MAML3: variants seen among roughly 807,000 people sequenced by gnomAD.
MAML3 encodes mastermind like transcriptional coactivator 3.
Under a neutral mutation model 101.9 loss-of-function variants are expected in MAML3, and 27 were observed. That is an observed-to-expected ratio of 0.27 (90% CI 0.20 to 0.37). The LOEUF (loss-of-function observed/expected upper bound fraction) is 0.37. MAML3 is among the 10% of genes least tolerant of loss of function. The pLI, the probability that MAML3 is intolerant of heterozygous loss-of-function variation, is 1.00. For missense variants in MAML3, 1,316 were observed against 1,444.9 expected, an observed-to-expected ratio of 0.91 and a Z score of 1.45; for synonymous variants, 501 against 555.9, an observed-to-expected ratio of 0.90 and a Z score of 1.39.
chr4:139,730,414 A>G lies in MAML3; in HGVS notation c.2331+2T>C, dbSNP rs1482754958. 6.5e-7 allele frequency: 1 copy of G among 1,538,950 alleles called. No homozygotes were observed. The highest frequency in any genetic ancestry group is 2.5e-5 in the East Asian group (1 of 40,408). On this transcript the variant is annotated splice_donor_variant, in intron 3 of 4. Coordinates refer to ENST00000509479, the MANE Select transcript of MAML3 (RefSeq NM_018717.5). LOFTEE classifies it high-confidence loss of function. Reference sequence around the variant, plus strand: ...AATGAATCACGCCAAGGGGCATGTTACCTGTTCCGCCAAAATCTGCTGCTG... The same window carrying G: ...AATGAATCACGCCAAGGGGCATGTTGCCTGTTCCGCCAAAATCTGCTGCTG...
chr4:140,151,690 C>G (rs367959021), intron 1 of MAML3, among the ~76,000 whole-genome samples: 33 of 125,660 alleles, frequency 2.6e-4, no homozygotes, highest in Non-Finnish European at 4.0e-4. Context: ...CGGCGCGGTG[C>G]GGGGGGGGGG....
At chr4:140,083,803 C>G (rs1212654436) in intron 1 of MAML3, among the ~76,000 whole-genome samples, 1 of 152,114 alleles carries the variant, frequency 6.6e-6, no homozygotes, top group East Asian at 1.9e-4. Flanking sequence ...CTCTCCCAGG[C>G]AGTTTACAAG....
At chr4:140,038,567 C>T (rs1727026706) in intron 1 of MAML3, among the ~76,000 whole-genome samples, 1 of 152,158 alleles carries the variant, frequency 6.6e-6, no homozygotes, top group Admixed American at 6.5e-5. Flanking sequence ...GGCTCCTAGG[C>T]CAGATTGCCT....
chr4:139,798,573 G>A (rs1730556311), intron 2 of MAML3, among the ~76,000 whole-genome samples: 1 of 152,148 alleles, frequency 6.6e-6, no homozygotes, highest in Non-Finnish European at 1.5e-5. Flanking sequence ...CATAGCTGTT[G>A]CCAGCCCTGA....
intron 2 of MAML3, among the ~76,000 whole-genome samples, chr4:139,771,215 G>A (rs896985442): frequency 6.6e-6 from 1 of 152,168 alleles, no homozygotes; most frequent in African/African-American, 2.4e-5. Context: ...TTTTGGAGAG[G>A]GTTTTGGGCA....
intron 1 of MAML3, among the ~76,000 whole-genome samples, chr4:140,068,464 C>T (rs1049555957): frequency 6.6e-6 from 1 of 152,124 alleles, no homozygotes; most frequent in African/African-American, 2.4e-5. Flanking sequence ...TCTCTCTCTA[C>T]CTAGGCACTT....
At position 139,730,656 on chromosome 4, in the gene MAML3, T is replaced by C. The variant is rs1277161267; in HGVS notation, c.2091A>G (p.Pro697=). ...ALPSHGQEQH[P]VGLPRTTGPM... ...GGCCTGTGGTTCGGGGAAGTCCAAC[T>C]GGATGCTGCTCCTGGGAAGACAAGA... The change falls in exon 3 of 5, where the codon CCA becomes CCG. Residue 697 remains proline, a synonymous_variant. Transcript: ENST00000509479. The C allele has an allele frequency of 6.2e-7, 1 of 1,611,998 alleles. No homozygotes were observed. The highest frequency in any genetic ancestry group is 1.3e-5 in the African/African-American group (1 of 74,912).
At chr4:140,135,524 C>T (rs979781557) in intron 1 of MAML3, among the ~76,000 whole-genome samples, 1 of 152,212 alleles carries the variant, frequency 6.6e-6, no homozygotes, top group Non-Finnish European at 1.5e-5. Flanking sequence ...TGATTAGTGA[C>T]CAAAGTAAGG....
At chr4:140,071,999 G>C (rs1035741618) in intron 1 of MAML3, among the ~76,000 whole-genome samples, 1 of 152,196 alleles carries the variant, frequency 6.6e-6, no homozygotes, top group Admixed American at 6.5e-5. Context: ...GGGGAGAACA[G>C]ACAGCCTGTT....
chr4:139,773,342 A>G (rs1253636389), intron 2 of MAML3, among the ~76,000 whole-genome samples: 2 of 152,206 alleles, frequency 1.3e-5, no homozygotes, highest in East Asian at 1.9e-4. Context: ...AGTGGTGTTC[A>G]TCAGATCAGA....
At chr4:139,912,407 C>T (rs1404952780) in intron 1 of MAML3, among the ~76,000 whole-genome samples, 4 of 152,272 alleles carry the variant, frequency 2.6e-5, no homozygotes, top group East Asian at 3.9e-4. Context: ...ATGAAGGTTT[C>T]GTACAGCTAG....
intron 2 of MAML3, among the ~76,000 whole-genome samples, chr4:139,869,260 T>C (rs1310140596): frequency 6.6e-6 from 1 of 152,196 alleles, no homozygotes; most frequent in African/African-American, 2.4e-5. Flanking sequence ...AGAAGGTACA[T>C]GATACTGGGG....
intron 1 of MAML3, among the ~76,000 whole-genome samples, chr4:140,141,238 C>T (rs1728974778): frequency 6.6e-6 from 1 of 152,216 alleles, no homozygotes; most frequent in African/African-American, 2.4e-5. Flanking sequence ...AGTCTTCAGA[C>T]CACTGCAGCA....
chr4:139,984,782 C>G lies in MAML3; in HGVS notation c.469-93815G>C, dbSNP rs568981644. Among the ~76,000 whole-genome samples, 11 of 152,354 alleles carry G rather than the reference C, an allele frequency of 7.2e-5. No homozygotes were observed. In the South Asian group the frequency reaches 1.0e-3, roughly 14 times the overall value. On this transcript the variant is annotated intron_variant, in intron 1 of 4. Coordinates refer to ENST00000509479, the MANE Select transcript of MAML3 (RefSeq NM_018717.5). ...TCTTGAGGCCTTCAGCTGATTGGAT[C>G]AGACCCACCCAGATATCCCTGGGTA...
chr4:139,889,360 A>T lies in MAML3; in HGVS notation c.2076T>A (p.Gly692=). Residue 692 remains glycine, a synonymous_variant, in exon 2 of 5, where the codon GGT becomes GGA. Coordinates refer to ENST00000509479, the MANE Select transcript of MAML3 (RefSeq NM_018717.5). ...AGTGTGTCACTTTCACACTTACCTG[A>T]CCGTGGGATGGAAGTGCAGCGTAAG... ...PMAYAALPSH[G]QEQHPVGLPR... is the part of the protein sequence containing the mutation. 6.2e-7 allele frequency: 1 copy of T among 1,614,026 alleles called. No homozygotes were observed.
chr4:139,932,611 A>T (rs1204804316), intron 1 of MAML3, among the ~76,000 whole-genome samples: 1 of 152,216 alleles, frequency 6.6e-6, no homozygotes, highest in Non-Finnish European at 1.5e-5. Context: ...CTATCTTTGA[A>T]CCAAGTCTTT....
intron 1 of MAML3, among the ~76,000 whole-genome samples, chr4:139,977,059 C>T (rs74962126): frequency 0.024 from 3,656 of 152,048 alleles, 147 homozygotes; most frequent in African/African-American, 0.082. Context: ...TGGGATTTGC[C>T]CTTATAAGAG....
At chr4:140,037,602 GAACA>G (rs1313504561) in intron 1 of MAML3, among the ~76,000 whole-genome samples, 1 of 152,156 alleles carries the variant, frequency 6.6e-6, no homozygotes, top group African/African-American at 2.4e-5. Flanking sequence ...CTTCAGTTTT[GAACA>G]AACAAACGCA....
intron 1 of MAML3, 134 bp from the exon 2 acceptor site, chr4:139,891,101 T>C (rs1446795046): frequency 3.7e-6 from 4 of 1,092,392 alleles, no homozygotes; most frequent in Non-Finnish European, 5.1e-6. Context: ...TACTTATAAT[T>C]TCAAAATCAG....
Sources: gnomAD v4.1 joint callset for allele counts (sites outside exome capture counted in the v4.1 genomes callset) on GRCh38, gnomAD v4.1.1 for gene constraint, MANE v1.5 for transcripts, NCBI Gene and HGNC (gene_info 2026-07-23, HGNC 2026-07-21) for gene names.